Variants in CHRNA6 observed in about 807,000 individuals in gnomAD.
CHRNA6 encodes the protein cholinergic receptor nicotinic alpha 6 subunit.
CHRNA6 carries 31 observed loss-of-function variants against 40.9 expected under a neutral mutation model. The ratio of observed to expected loss-of-function variants is 0.76; its 90% CI spans 0.57 to 1.02. The LOEUF (loss-of-function observed/expected upper bound fraction) is 1.02. Among genes scored for constraint, CHRNA6 ranks in the 50% least tolerant of loss-of-function variants. The pLI is 0.00. For synonymous variants in CHRNA6, 222 were observed against 221.3 expected, an observed-to-expected ratio of 1.00 and a Z score of -0.03; for missense variants, 546 against 596.6, an observed-to-expected ratio of 0.92 and a Z score of 0.88.
intron 5 of CHRNA6, among the ~76,000 whole-genome samples, chr8:42,754,549 C>T (rs558107774): frequency 9.9e-5 from 15 of 152,176 alleles, no homozygotes; most frequent in Admixed American, 3.9e-4. Flanking sequence ...CTCTCTTGTC[C>T]GGTGACACAT....
intron 2 of CHRNA6, chr8:42,759,439 C>A (rs1816862921): frequency 7.8e-6 from 2 of 255,444 alleles, no homozygotes; most frequent in East Asian, 8.0e-5. Flanking sequence ...AAAAGAAGAG[C>A]GACAGCAGGT....
chr8:42,768,236 C>T (rs1816998710), intron 1 of CHRNA6, 116 bp downstream of exon 1: 5 of 754,600 alleles, frequency 6.6e-6, no homozygotes, highest in Non-Finnish European at 1.1e-5. Flanking sequence ...ACAGTGGTGG[C>T]TCCTATGCAG....
chr8:42,756,483 A>C lies in CHRNA6; in HGVS notation c.716T>G (p.Leu239Trp). ...DITYSFYIRR[L>W]PMFYTINLII... ...CAGATTAATCGTGTAAAACATCGGC[A>C]ATCTTCTAATGTAGAAAGAATAGGT... Residue 239 changes from leucine to tryptophan, a missense_variant, in exon 5 of 6, where the codon TTG becomes TGG. This residue lies in a region of CHRNA6 where 476 missense variants were observed against 494.5 expected (regional missense o/e 0.96). Coordinates refer to ENST00000276410, the MANE Select transcript of CHRNA6 (RefSeq NM_004198.3). 1 of 1,614,162 alleles carries C rather than the reference A, an allele frequency of 6.2e-7. No homozygotes were observed. The highest frequency in any genetic ancestry group is 8.5e-7 in the Non-Finnish European group (1 of 1,179,992).
chr8:42,768,271 T>G (rs1816999128), intron 1 of CHRNA6, 81 bp downstream of exon 1: 10 of 1,135,500 alleles, frequency 8.8e-6, no homozygotes, highest in Non-Finnish European at 1.3e-5. Context: ...TATTAATATA[T>G]CTTCTCAAGC....
In CHRNA6 at chr8:42,756,048, G is replaced by C. The variant is rs758816455; in HGVS notation, c.1151C>G (p.Ala384Gly). ...LARRPAKGKL[A>G]SHGEPRHLKE... ...AAGATGTCTGGGTTCCCCATGGCTT[G>C]CAAGCTTGCCTTTGGCAGGCCTCCT... The change falls in exon 5 of 6, where the codon GCA becomes GGA. Residue 384 changes from alanine to glycine, a missense_variant. Physicochemically the swap from Ala to Gly is moderately conservative, Grantham distance 60 (BLOSUM62 0). This residue lies in a region of CHRNA6 where 476 missense variants were observed against 494.5 expected (regional missense o/e 0.96). Transcript: ENST00000276410. 1.2e-6 allele frequency: 2 copies of C among 1,614,246 alleles called. No individual in the cohort carries two copies. Among genetic ancestry groups the C allele is most frequent in the Non-Finnish European group, 1.7e-6 (2 of 1,180,030 alleles).
chr8:42,758,001 C>A (rs1212241428), intron 3 of CHRNA6, among the ~76,000 whole-genome samples: 1 of 151,802 alleles, frequency 6.6e-6, no homozygotes, highest in African/African-American at 2.4e-5. Flanking sequence ...CGCCACTGGA[C>A]TCCAGCCTGG....
intron 3 of CHRNA6, 145 bp downstream of exon 3, chr8:42,758,924 A>C (rs779621169): frequency 4.5e-5 from 29 of 647,498 alleles, no homozygotes; most frequent in Non-Finnish European, 7.8e-5. Flanking sequence ...CAAGTCAGCT[A>C]TTACCAGAGC....
In CHRNA6 at chr8:42,756,010, G is replaced by A. The variant is rs760216470; in HGVS notation, c.1189C>T (p.His397Tyr). 1.9e-6 allele frequency: 3 copies of A among 1,614,244 alleles called. 1 individual carries two copies. The South Asian group carries it at 3.3e-5, about 18-fold the overall frequency. The stretch of plus-strand genomic sequence containing the variant: ...GCAAGCTCATTTGATTTGTGACAAT[G>A]GAAGCATTCTTTAAGATGTCTGGGT... ...GEPRHLKECFHCHKSNELATS... is the reference protein window; with the variant it reads ...GEPRHLKECFYCHKSNELATS... The change falls in exon 5 of 6, where the codon CAT (histidine) becomes TAT (tyrosine). Residue 397 changes from histidine to tyrosine, a missense_variant. Coordinates refer to ENST00000276410, the MANE Select transcript of CHRNA6 (RefSeq NM_004198.3).
chr8:42,759,272 A>T (rs1816859242), intron 2 of CHRNA6, 159 bp from the exon 3 acceptor site: 1 of 614,898 alleles, frequency 1.6e-6, no homozygotes, highest in East Asian at 2.8e-5. Context: ...TGCAAGCAGA[A>T]ATGCCGCATT....
rs750671647 is a variant in CHRNA6, at chr8:42,756,305, C to G, written c.894G>C (p.Leu298=). 1.2e-6 allele frequency: 2 copies of G among 1,614,194 alleles called. No individual in the cohort carries two copies. Residue 298 remains leucine (L), a synonymous_variant, in exon 5 of 6, where the codon CTG becomes CTC. Transcript: ENST00000276410. ...VITETIPSTS[L]VVPLVGEYLL... Reference sequence around the variant, plus strand: ...GGTACTCACCCACCAGTGGGACCACCAGAGATGTGGATGGGATGGTTTCTG... The same window carrying G: ...GGTACTCACCCACCAGTGGGACCACGAGAGATGTGGATGGGATGGTTTCTG...
rs1036579204 is a variant in CHRNA6 at position 42,753,102 on chromosome 8, G to C, written c.*77C>G. On this transcript the variant is annotated 3_prime_UTR_variant, in exon 6 of 6. Coordinates refer to ENST00000276410, the MANE Select transcript of CHRNA6 (RefSeq NM_004198.3). ...TGGGGGACTTGGGTGGGAAGCCTTT[G>C]CTTTCCTTTCCTTGTGGCAGGGAAT... 14 of 1,411,198 alleles carry C rather than the reference G, an allele frequency of 9.9e-6. No homozygotes were observed. The African/African-American group carries it at 2.0e-4, about 20-fold the overall frequency. The allele number at this position is 1,411,198 out of a possible 1,614,324, so 87.4% of individuals were successfully genotyped here. A position where few individuals can be genotyped will look rare whatever the true frequency, so the allele number is the denominator to read the frequency against.
chr8:42,753,104 T>G lies in CHRNA6; in HGVS notation c.*75A>C, dbSNP rs200852305. The G allele has an allele frequency of 4.2e-5, 60 of 1,427,596 alleles. No individual in the cohort carries two copies. The South Asian group carries it at 8.1e-4, about 19-fold the overall frequency. 88.4% of individuals were successfully genotyped at this position (1,427,596 alleles called of 1,614,324 possible). A position where few individuals can be genotyped will look rare whatever the true frequency, so the allele number is the denominator to read the frequency against. ...GGGGACTTGGGTGGGAAGCCTTTGC[T>G]TTCCTTTCCTTGTGGCAGGGAATGC... On this transcript the variant is annotated 3_prime_UTR_variant, in exon 6 of 6. Transcript: ENST00000276410.
Position 42,756,299 on chromosome 8 carries a change from G to C in CHRNA6, c.900C>G (p.Val300=), listed in dbSNP as rs201044590. Residue 300 remains valine, a synonymous_variant, in exon 5 of 6, where the codon GTC becomes GTG. Transcript: ENST00000276410. ...TETIPSTSLV[V]PLVGEYLLFT... ...ACAGCAGGTACTCACCCACCAGTGG[G>C]ACCACCAGAGATGTGGATGGGATGG... is the stretch of plus-strand genomic sequence containing the variant. 1.2e-6 allele frequency: 2 copies of C among 1,614,238 alleles called. No individual in the cohort carries two copies. Among genetic ancestry groups the C allele is most frequent in the Non-Finnish European group, 8.5e-7 (1 of 1,180,036 alleles).
intron 3 of CHRNA6, 79 bp from the exon 4 acceptor site, chr8:42,757,116 A>G: frequency 1.8e-6 from 2 of 1,102,540 alleles, no homozygotes; most frequent in Non-Finnish European, 2.7e-6. Flanking sequence ...CTGTAATCCC[A>G]GCACTTTGGG....
chr8:42,752,972 G>A lies in CHRNA6; in HGVS notation c.*207C>T, dbSNP rs1359634418. ...GGTGCTGCCCAATCAGGGCACTAATGTCATAACACTTCTCACTTCTCCCCC... is the reference window on the plus strand; with the variant it reads ...GGTGCTGCCCAATCAGGGCACTAATATCATAACACTTCTCACTTCTCCCCC... On this transcript the variant is annotated 3_prime_UTR_variant, in exon 6 of 6. Transcript: ENST00000276410. 2 of 485,540 alleles carry A rather than the reference G, an allele frequency of 4.1e-6. No individual in the cohort carries two copies. The highest frequency in any genetic ancestry group is 7.3e-6 in the Non-Finnish European group (2 of 275,704). The allele number at this position is 485,540 out of a possible 1,614,324, so 30.1% of individuals were successfully genotyped here.
chr8:42,757,028 C>A lies in CHRNA6; in HGVS notation c.274G>T (p.Asp92Tyr), dbSNP rs924570495. ...TNLWLRHIWN[D>Y]YKLRWDPMEY... The stretch of plus-strand genomic sequence containing the variant: ...ATTGGATCCCAGCGCAATTTATAAT[C>A]ATTCCAGATCTAAAATAAATAGAAA... The change falls in exon 4 of 6, where the codon GAT becomes TAT. Residue 92 changes from aspartate to tyrosine, a missense_variant. This residue lies in a region of CHRNA6 where 476 missense variants were observed against 494.5 expected (regional missense o/e 0.96). Transcript: ENST00000276410. The A allele has an allele frequency of 2.5e-6, 4 of 1,606,076 alleles. No individual in the cohort carries two copies. Among genetic ancestry groups the A allele is most frequent in the Non-Finnish European group, 3.4e-6 (4 of 1,172,974 alleles).
At chr8:42,755,184 A>AAT (rs1816777268) in intron 5 of CHRNA6, among the ~76,000 whole-genome samples, 1 of 137,168 alleles carries the variant, frequency 7.3e-6, no homozygotes, top group African/African-American at 2.7e-5. Flanking sequence ...ACGCCTGCTA[A>AAT]TTTTTTTTTT....
intron 5 of CHRNA6, among the ~76,000 whole-genome samples, chr8:42,754,843 T>G (rs1816769644): frequency 6.6e-6 from 1 of 152,088 alleles, no homozygotes; most frequent in South Asian, 2.1e-4. Flanking sequence ...AAAATATCCC[T>G]GGGGCTCATT....
intron 2 of CHRNA6, among the ~76,000 whole-genome samples, chr8:42,759,895 C>CAAAAA (rs796621742): frequency 1.0e-5 from 1 of 99,434 alleles, no homozygotes; most frequent in Non-Finnish European, 2.2e-5. Context: ...GACTCCATCT[C>CAAAAA]AAAAAAAAAA....
Sources: gnomAD v4.1 joint callset for allele counts (sites outside exome capture counted in the v4.1 genomes callset) on GRCh38, gnomAD v4.1.1 for gene constraint, gnomAD v4.1.1 regional missense constraint, MANE v1.5 for transcripts, NCBI Gene and HGNC (gene_info 2026-07-23, HGNC 2026-07-21) for gene names.